Variants in FBXW7 observed in about 807,000 individuals in gnomAD.
FBXW7 encodes F-box and WD repeat domain containing 7.
In FBXW7, 11 loss-of-function variants were observed where a neutral mutation model predicts 86.3. That is an observed-to-expected ratio of 0.13 (90% CI 0.08 to 0.21). The LOEUF (loss-of-function observed/expected upper bound fraction) is 0.21, where lower values mean the gene tolerates loss of function less well. Among genes scored for constraint, FBXW7 ranks in the 10% least tolerant of loss-of-function variants. The probability of loss-of-function intolerance (pLI) is 1.00; values close to 1 mark genes in which losing one functional copy is unlikely to be tolerated. For synonymous variants in FBXW7, 313 were observed against 297.9 expected (o/e 1.05, Z -0.52); for missense variants, 488 against 847.4 (o/e 0.58, Z 5.27).
chr4:152,513,801 T>C (rs1190320456), intron 2 of FBXW7, among the ~76,000 whole-genome samples: 2 of 152,222 alleles, frequency 1.3e-5, no homozygotes, highest in African/African-American at 4.8e-5. Flanking sequence ...CCCTAACCTA[T>C]GAGAGTCAAA....
chr4:152,329,842 A>G (rs771374798), intron 9 of FBXW7, 57 bp from the exon 10 acceptor site: 22 of 980,424 alleles, frequency 2.2e-5, no homozygotes, highest in Non-Finnish European at 3.1e-5. Context: ...TCTTTAAAAT[A>G]CTGGTGAAGA....
At chr4:152,360,385 T>C (rs1578988339) in intron 4 of FBXW7, among the ~76,000 whole-genome samples, 2 of 152,294 alleles carry the variant, frequency 1.3e-5, no homozygotes, top group South Asian at 2.1e-4. Context: ...GTATAAAACA[T>C]TCATTGAAAT....
chr4:152,330,336 A>C (rs917054506), intron 9 of FBXW7, among the ~76,000 whole-genome samples: 1 of 151,934 alleles, frequency 6.6e-6, no homozygotes, highest in African/African-American at 2.4e-5. Context: ...TTATGCTTCA[A>C]TTTGTAAAAA....
At chr4:152,450,830 C>T (rs1280116932) in intron 2 of FBXW7, among the ~76,000 whole-genome samples, 3 of 152,182 alleles carry the variant, frequency 2.0e-5, no homozygotes, top group African/African-American at 7.2e-5. Flanking sequence ...GTCTGCATCA[C>T]TATTGTTTCT....
intron 4 of FBXW7, among the ~76,000 whole-genome samples, chr4:152,391,811 A>G (rs192509720): frequency 6.6e-6 from 1 of 152,262 alleles, no homozygotes; most frequent in East Asian, 1.9e-4. Context: ...TAGAGTTGAG[A>G]TTTTAACCCT....
chr4:152,400,453 A>G (rs1004779782), intron 4 of FBXW7, among the ~76,000 whole-genome samples: 1 of 151,672 alleles, frequency 6.6e-6, no homozygotes, highest in African/African-American at 2.4e-5. Context: ...GCAATCCTCC[A>G]ACCTCAGCCT....
chr4:152,333,250 A>G (rs928323663), intron 7 of FBXW7, among the ~76,000 whole-genome samples: 4 of 152,122 alleles, frequency 2.6e-5, no homozygotes, highest in African/African-American at 9.7e-5. Flanking sequence ...CTTGACTGTA[A>G]ATGACAAAGG....
Position 152,350,028 on chromosome 4 carries a change from A to G in FBXW7, c.584+14T>C, listed in dbSNP as rs948092181. Reference sequence around the variant, plus strand: ...AACTGAGAATCATGAGATAATCATTATATTTAATATTACCTTGTATATTCT... The same window carrying G: ...AACTGAGAATCATGAGATAATCATTGTATTTAATATTACCTTGTATATTCT... On this transcript the variant is annotated intron_variant, in intron 5 of 13. Transcript: ENST00000281708. 8 of 1,379,460 alleles carry G rather than the reference A, an allele frequency of 5.8e-6. No individual in the cohort carries two copies. Among genetic ancestry groups the G allele is most frequent in the Non-Finnish European group, 7.9e-6 (8 of 1,006,680 alleles). The allele number at this position is 1,379,460 out of a possible 1,614,324, so 85.5% of individuals were successfully genotyped here.
intron 4 of FBXW7, among the ~76,000 whole-genome samples, chr4:152,399,900 C>CA (rs1736761898): frequency 6.6e-6 from 1 of 152,126 alleles, no homozygotes; most frequent in Admixed American, 6.5e-5. Context: ...TCTATAGTTT[C>CA]AAAGCAATAC....
intron 2 of FBXW7, among the ~76,000 whole-genome samples, chr4:152,427,344 A>G (rs1184874645): frequency 6.6e-6 from 1 of 152,230 alleles, no homozygotes; most frequent in Non-Finnish European, 1.5e-5. Context: ...TTATTGATCA[A>G]TGGCCGTGCA....
intron 12 of FBXW7, chr4:152,324,972 AT>A (rs1728882761): frequency 6.5e-6 from 1 of 152,714 alleles, no homozygotes; most frequent in African/African-American, 2.4e-5. Context: ...AAGAGGTGGC[AT>A]TTTGAAATCA....
chr4:152,530,274 G>A (rs908244109), intron 2 of FBXW7: 3 of 152,028 alleles, frequency 2.0e-5, no homozygotes, highest in African/African-American at 7.2e-5. Context: ...ATTAGCCACT[G>A]CAAGAGATTA....
chr4:152,352,719 C>T lies in FBXW7; in HGVS notation c.502-2595G>A, dbSNP rs34496200. On this transcript the variant is annotated intron_variant, in intron 4 of 13. Coordinates refer to ENST00000281708, the MANE Select transcript of FBXW7 (RefSeq NM_001349798.2). ...TGCAGCTCAGTATCAAACCGCTTCTCGGGACACACATACATACATGCAGCT... is the reference window on the plus strand; with the variant it reads ...TGCAGCTCAGTATCAAACCGCTTCTTGGGACACACATACATACATGCAGCT... 144 of 1,613,612 alleles carry T rather than the reference C, an allele frequency of 8.9e-5. 1 individual carries two copies. Among genetic ancestry groups the T allele is most frequent in the African/African-American group, 4.4e-4 (33 of 75,002 alleles).
At chr4:152,369,471 T>C (rs1185078378) in intron 4 of FBXW7, among the ~76,000 whole-genome samples, 1 of 152,076 alleles carries the variant, frequency 6.6e-6, no homozygotes, top group Non-Finnish European at 1.5e-5. Context: ...ATAGGAGGTG[T>C]TGAATAAAGT....
In FBXW7 at chr4:152,535,544, G is replaced by A. The variant is rs1365231876; in HGVS notation, c.-630C>T. On this transcript the variant is annotated 5_prime_UTR_variant, in exon 1 of 14. Transcript: ENST00000281708. ...GTTGGGGCCCCGGTTCATACACTCC[G>A]GGGCAAGATGCTACGGCCCCGGGCG... 3 of 395,890 alleles carry A rather than the reference G, an allele frequency of 7.6e-6. No individual in the cohort carries two copies. 24.5% of individuals were successfully genotyped at this position (395,890 alleles called of 1,614,324 possible).
At chr4:152,515,031 T>C (rs771591892) in intron 2 of FBXW7, among the ~76,000 whole-genome samples, 35 of 152,048 alleles carry the variant, frequency 2.3e-4, no homozygotes, top group Admixed American at 1.3e-4. Flanking sequence ...GCACGTATGG[T>C]TTAAGAGAGC....
intron 2 of FBXW7, among the ~76,000 whole-genome samples, chr4:152,491,973 C>T (rs1415730697): frequency 6.6e-6 from 1 of 152,104 alleles, no homozygotes; most frequent in East Asian, 1.9e-4. Context: ...GCCCATGTAA[C>T]ACACACCTCT....
chr4:152,518,926 C>T (rs1296398447), intron 2 of FBXW7, among the ~76,000 whole-genome samples: 1 of 152,084 alleles, frequency 6.6e-6, no homozygotes, highest in Non-Finnish European at 1.5e-5. Flanking sequence ...AATAGTTCTA[C>T]AAAGTATGTA....
intron 2 of FBXW7, among the ~76,000 whole-genome samples, chr4:152,439,736 G>A (rs1740708113): frequency 6.6e-6 from 1 of 151,896 alleles, no homozygotes; most frequent in Non-Finnish European, 1.5e-5. Flanking sequence ...TGTGGTGGCA[G>A]GCACCTGTAG....
Sources: allele counts gnomAD v4.1 joint callset (sites outside exome capture counted in the v4.1 genomes callset), GRCh38; gene constraint gnomAD v4.1.1; transcripts MANE v1.5; gene names NCBI Gene and HGNC (gene_info 2026-07-23, HGNC 2026-07-21).